PVT1: variants seen among roughly 807,000 people sequenced by gnomAD.
PVT1 encodes the protein Pvt1 oncogene, also known as CXCR4/PVT1 fusion.
Position 127,904,473 on chromosome 8 carries a change from T to TTGA in PVT1, n.782+13493_782+13495dup, listed in dbSNP as rs755409509. Among the ~76,000 whole-genome samples the TTGA allele has an allele frequency of 9.3e-4, 138 of 149,130 alleles. No individual in the cohort carries two copies. The East Asian group carries it at 9.3e-3, about 10-fold the overall frequency. ...GTGTTTTACAGTGATGAAGATGATG[T>TTGA]TGATGATGATGATGATGATGTCAAC... On this transcript the variant is annotated intron_variant and non_coding_transcript_variant, in intron 3 of 10. Coordinates refer to ENST00000651587, the Ensembl canonical transcript of PVT1.
chr8:127,821,685 G>T (rs988217099), intron 2 of PVT1, among the ~76,000 whole-genome samples: 1 of 152,010 alleles, frequency 6.6e-6, no homozygotes, highest in African/African-American at 2.4e-5. Flanking sequence ...GGTGGTGGGC[G>T]CCTGTAGTCC....
rs113265401 is a variant in PVT1 at position 127,858,563 on chromosome 8, T to C, written n.373-32026T>C. 4.2e-3 allele frequency among the ~76,000 whole-genome samples: 640 copies of C among 152,088 alleles called. 1 individual carries two copies. The highest frequency in any genetic ancestry group is 6.5e-3 in the Admixed American group (100 of 15,284). ...TTTTTGAAAACAGACATCTTAAATA[T>C]TGGCCAAAAGGCCAGATGTCAAAGT... On this transcript the variant is annotated intron_variant and non_coding_transcript_variant, in intron 2 of 10. Coordinates refer to ENST00000651587, the Ensembl canonical transcript of PVT1.
intron 4 of PVT1, among the ~76,000 whole-genome samples, chr8:128,069,490 G>C (rs1286931783): frequency 2.0e-5 from 3 of 152,118 alleles, no homozygotes; most frequent in Non-Finnish European, 4.4e-5. Flanking sequence ...GTGCTCCTGG[G>C]TTTCATGATC....
intron 2 of PVT1, among the ~76,000 whole-genome samples, chr8:127,874,797 C>T (rs1424860856): frequency 6.6e-6 from 1 of 152,210 alleles, no homozygotes; most frequent in Non-Finnish European, 1.5e-5. Flanking sequence ...TCCCTTCCTT[C>T]ACATCCCTGG....
At chr8:127,817,813 GC>G (rs1048384665) in intron 2 of PVT1, among the ~76,000 whole-genome samples, 1 of 151,920 alleles carries the variant, frequency 6.6e-6, no homozygotes, top group African/African-American at 2.4e-5. Context: ...AATTGCTTGA[GC>G]CTGGGAGGTC....
At chr8:127,921,860 T>TTG (rs1816064230) in intron 3 of PVT1, among the ~76,000 whole-genome samples, 1 of 119,068 alleles carries the variant, frequency 8.4e-6, no homozygotes, top group African/African-American at 3.1e-5. Flanking sequence ...TCATGTTTTT[T>TTG]TTTTTTTTTT....
At chr8:127,872,443 T>C (rs1815361115) in intron 2 of PVT1, among the ~76,000 whole-genome samples, 1 of 152,048 alleles carries the variant, frequency 6.6e-6, no homozygotes, top group Non-Finnish European at 1.5e-5. Flanking sequence ...AAGAGTTTAA[T>C]TGGATTGTTC....
intron 4 of PVT1, among the ~76,000 whole-genome samples, chr8:128,044,679 C>A (rs1813591204): frequency 6.6e-6 from 1 of 152,208 alleles, no homozygotes; most frequent in South Asian, 2.1e-4. Flanking sequence ...AAGATCCTTA[C>A]CTTGAGGAGA....
At position 127,909,567 on chromosome 8, in the gene PVT1, T is replaced by A. The variant is rs532469392; in HGVS notation, n.782+18569T>A. On this transcript the variant is annotated intron_variant and non_coding_transcript_variant, in intron 3 of 10. Transcript: ENST00000651587. Reference sequence around the variant, plus strand: ...TAGTGCACACCGAATGTTTGGCATATGTGCGGAGCTCTTTGGGGGTGACTC... The same window carrying A: ...TAGTGCACACCGAATGTTTGGCATAAGTGCGGAGCTCTTTGGGGGTGACTC... Among the ~76,000 whole-genome samples the A allele has an allele frequency of 2.0e-5, 3 of 152,326 alleles. No homozygotes were observed. The South Asian group carries it at 6.2e-4, about 32-fold the overall frequency.
chr8:127,816,280 C>T (rs1325478810), intron 2 of PVT1, among the ~76,000 whole-genome samples: 1 of 152,026 alleles, frequency 6.6e-6, no homozygotes, highest in Non-Finnish European at 1.5e-5. Flanking sequence ...CCATGCCTAC[C>T]CCCTGCCCCC....
At chr8:127,842,789 A>T (rs544263672) in intron 2 of PVT1, among the ~76,000 whole-genome samples, 3 of 152,338 alleles carry the variant, frequency 2.0e-5, no homozygotes, top group African/African-American at 7.2e-5. Flanking sequence ...AAGAGATAGC[A>T]TCTGAGTGAG....
chr8:127,806,808 G>A (rs1405909329), intron 2 of PVT1, among the ~76,000 whole-genome samples: 2 of 152,004 alleles, frequency 1.3e-5, no homozygotes, highest in Admixed American at 6.6e-5. Flanking sequence ...GTAGTCTCTC[G>A]GATTTGTCTT....
rs1234236482 is a variant in PVT1 at position 127,924,644 on chromosome 8, T to C, written n.782+33646T>C. 3.3e-5 allele frequency among the ~76,000 whole-genome samples: 5 copies of C among 151,810 alleles called. No homozygotes were observed. In the East Asian group the frequency reaches 9.7e-4, roughly 29 times the overall value. ...CTCCTGCCTCAGCCTCCTGAGTAGC[T>C]GGGACTACAGGCGCCCACCACCACG... On this transcript the variant is annotated intron_variant and non_coding_transcript_variant, in intron 3 of 10. Transcript: ENST00000651587.
In PVT1 at chr8:127,930,669, G is replaced by A. The variant is rs117862769; in HGVS notation, n.782+39671G>A. Among the ~76,000 whole-genome samples, 1,062 of 152,226 alleles carry A rather than the reference G, an allele frequency of 7.0e-3. 3 individuals carry two copies. Among genetic ancestry groups the A allele is most frequent in the Non-Finnish European group, 0.012 (794 of 68,008 alleles). Reference sequence around the variant, plus strand: ...CCCAGCAGGGTGTGTAAAGGTACCAGTTCCTGGGGCGTCAAAGGTTTTTCT... The same window carrying A: ...CCCAGCAGGGTGTGTAAAGGTACCAATTCCTGGGGCGTCAAAGGTTTTTCT... On this transcript the variant is annotated intron_variant and non_coding_transcript_variant, in intron 3 of 10. Coordinates refer to ENST00000651587, the Ensembl canonical transcript of PVT1.
At chr8:128,074,115 T>C (rs186485650) in intron 5 of PVT1, among the ~76,000 whole-genome samples, 21 of 152,216 alleles carry the variant, frequency 1.4e-4, no homozygotes, top group African/African-American at 4.8e-4. Flanking sequence ...AGCAGTAACA[T>C]TGATGCAGAG....
At chr8:128,015,063 A>ATTTG (rs1378942581) in intron 4 of PVT1, among the ~76,000 whole-genome samples, 1 of 148,042 alleles carries the variant, frequency 6.8e-6, no homozygotes, top group African/African-American at 2.5e-5. Flanking sequence ...AGATTTATTT[A>ATTTG]TTTATTTATT....
At position 127,832,862 on chromosome 8, in the gene PVT1, G is replaced by GA. The variant is rs370031586; in HGVS notation, n.372+36803dup. The stretch of plus-strand genomic sequence containing the variant: ...GACAGAGTGAGACTCTGTTTCAAAA[G>GA]AAAAAAAAAAAATTCTTGCACAATT... On this transcript the variant is annotated intron_variant and non_coding_transcript_variant, in intron 2 of 10. Transcript: ENST00000651587. Among the ~76,000 whole-genome samples, 877 of 140,626 alleles carry GA rather than the reference G, an allele frequency of 6.2e-3. 9 individuals are homozygous for GA. Among genetic ancestry groups the GA allele is most frequent in the African/African-American group, 0.02 (768 of 38,516 alleles). 92.3% of individuals were successfully genotyped at this position (140,626 alleles called of 152,430 possible).
chr8:127,926,171 G>C (rs1290033056), intron 3 of PVT1, among the ~76,000 whole-genome samples: 1 of 152,168 alleles, frequency 6.6e-6, no homozygotes, highest in Non-Finnish European at 1.5e-5. Context: ...CTAAGACCCA[G>C]ATGTTTCCAG....
intron 3 of PVT1, among the ~76,000 whole-genome samples, chr8:127,895,908 T>TGGCTGTGTGCCAATA (rs1815668565): frequency 6.6e-6 from 1 of 152,238 alleles, no homozygotes; most frequent in Admixed American, 6.5e-5. Flanking sequence ...TGAGTGGGTG[T>TGGCTGTGTGCCAATA]GGCTGTGTGC....
Sources: allele counts gnomAD v4.1 joint callset (sites outside exome capture counted in the v4.1 genomes callset), GRCh38; gene constraint gnomAD v4.1.1; transcripts MANE v1.5; gene names NCBI Gene and HGNC (gene_info 2026-07-23, HGNC 2026-07-21).